RUBCN: variants seen among roughly 807,000 people sequenced by gnomAD.
The protein encoded by RUBCN is rubicon autophagy regulator.
In RUBCN, 74 loss-of-function variants were observed where a neutral mutation model predicts 113.2. The observed-to-expected ratio is 0.65, with a 90% CI of 0.54 to 0.79. The LOEUF (loss-of-function observed/expected upper bound fraction) is 0.79, where lower values mean the gene tolerates loss of function less well. Ranked by LOEUF, RUBCN falls within the 30% of genes least tolerant of loss-of-function variation. RUBCN has a pLI of 0.00. For missense variants in RUBCN, 1,109 were observed against 1,251.7 expected (o/e 0.89, Z 1.72); for synonymous variants, 480 against 490.0 (o/e 0.98, Z 0.27).
intron 1 of RUBCN, among the ~76,000 whole-genome samples, chr3:197,723,663 C>T (rs996944032): frequency 2.0e-5 from 3 of 152,060 alleles, no homozygotes; most frequent in Admixed American, 1.3e-4. Flanking sequence ...TTTTTAGGAT[C>T]GTTTATCCTA....
chr3:197,684,265 T>C (rs1467753832), intron 11 of RUBCN, 48 bp from the exon 12 acceptor site: 9 of 1,432,894 alleles, frequency 6.3e-6, no homozygotes, highest in African/African-American at 5.7e-5. Context: ...ACGGGGTGGG[T>C]AAGGGAACCT....
At chr3:197,684,842 C>T (rs971795712) in intron 11 of RUBCN, among the ~76,000 whole-genome samples, 2 of 152,126 alleles carry the variant, frequency 1.3e-5, no homozygotes, top group African/African-American at 4.8e-5. Flanking sequence ...AACTTTGCTT[C>T]TAATATTTCA....
chr3:197,695,814 CAGA>C, intron 9 of RUBCN, 49 bp downstream of exon 9: 15 of 1,521,652 alleles, frequency 9.9e-6, no homozygotes, highest in Non-Finnish European at 1.4e-5. Flanking sequence ...CACAGACCTT[CAGA>C]CCCAATCTCC....
rs1580119043 is a variant in RUBCN at position 197,673,386 on chromosome 3, T to A, written c.*1632A>T. On this transcript the variant is annotated 3_prime_UTR_variant, in exon 20 of 20. Coordinates refer to ENST00000296343, the MANE Select transcript of RUBCN (RefSeq NM_014687.4). ...CCGCCAGCTCAAGCTCTCATCAGCT[T>A]CCACCAACCACAGGCAACTTTCCGC... The A allele has an allele frequency of 6.6e-6, 1 of 152,508 alleles. No homozygotes were observed. The highest frequency in any genetic ancestry group is 6.5e-5 in the Admixed American group (1 of 15,284). The allele number at this position is 152,508 out of a possible 1,614,324, so 9.4% of individuals were successfully genotyped here. A position where few individuals can be genotyped will look rare whatever the true frequency, so the allele number is the denominator to read the frequency against.
chr3:197,717,169 TC>T (rs1725612487), intron 2 of RUBCN, among the ~76,000 whole-genome samples: 1 of 151,308 alleles, frequency 6.6e-6, no homozygotes, highest in Admixed American at 6.6e-5. Context: ...GTGCGGTGGC[TC>T]ACGCCTGTAA....
At chr3:197,745,036 C>T (rs796087696) in intron 1 of RUBCN, among the ~76,000 whole-genome samples, 10 of 152,084 alleles carry the variant, frequency 6.6e-5, no homozygotes, top group African/African-American at 2.2e-4. Context: ...CCTGTAATCC[C>T]AGCACTTTGG....
rs1368717129 is a variant in RUBCN at position 197,670,899 on chromosome 3, G to A, written c.*4119C>T. On this transcript the variant is annotated 3_prime_UTR_variant, in exon 20 of 20. Transcript: ENST00000296343. ...GCAGTTGCAGACAAAGTAGCTGAGG[G>A]AGAAGACAGGAGATGAGGACACGCT... Among the ~76,000 whole-genome samples, 1 of 152,240 alleles carries A rather than the reference G, an allele frequency of 6.6e-6. No individual in the cohort carries two copies. The highest frequency in any genetic ancestry group is 2.4e-5 in the African/African-American group (1 of 41,478).
chr3:197,742,089 G>A (rs964605560), intron 1 of RUBCN, among the ~76,000 whole-genome samples: 3 of 151,792 alleles, frequency 2.0e-5, no homozygotes, highest in African/African-American at 7.2e-5. Flanking sequence ...TAGAGACGGG[G>A]TTTCACTGTG....
intron 10 of RUBCN, 147 bp from the exon 11 acceptor site, chr3:197,693,963 A>G (rs1255611700): frequency 4.6e-6 from 3 of 654,842 alleles, no homozygotes; most frequent in Non-Finnish European, 8.2e-6. Flanking sequence ...AATAGAAGGT[A>G]CTACTATCTG....
At chr3:197,706,015 C>T (rs947873627) in intron 2 of RUBCN, among the ~76,000 whole-genome samples, 2 of 152,148 alleles carry the variant, frequency 1.3e-5, no homozygotes, top group Non-Finnish European at 2.9e-5. Context: ...CATGAGCCAC[C>T]GTACCCGGCT....
At chr3:197,724,331 ATAAC>A (rs1388531582) in intron 1 of RUBCN, among the ~76,000 whole-genome samples, 2 of 152,200 alleles carry the variant, frequency 1.3e-5, no homozygotes, top group African/African-American at 4.8e-5. Context: ...ATTACACTAT[ATAAC>A]TAATACATAA....
At position 197,675,586 on chromosome 3, in the gene RUBCN, CGAG is replaced by C. The variant is rs1476430986; in HGVS notation, c.2647-74_2647-72del. ...GGAACTGGCACGGGAGGGTGAACACCGAGGAGGGGAGTGGTCTACAGGGTTCTG... is the reference window on the plus strand; with the variant it reads ...GGAACTGGCACGGGAGGGTGAACACCGAGGGGAGTGGTCTACAGGGTTCTG... On this transcript the variant is annotated intron_variant, in intron 18 of 19. Transcript: ENST00000296343. The surrounding 1 kb of genome is among the most constrained non-coding windows in gnomAD (Gnocchi z 4.4). The C allele has an allele frequency of 2.0e-5, 23 of 1,160,382 alleles. No homozygotes were observed. The highest frequency in any genetic ancestry group is 1.3e-6 in the Non-Finnish European group (1 of 772,884). The allele number at this position is 1,160,382 out of a possible 1,614,324, so 71.9% of individuals were successfully genotyped here. A position where few individuals can be genotyped will look rare whatever the true frequency, so the allele number is the denominator to read the frequency against.
rs1560407312 is a variant in RUBCN at position 197,681,439 on chromosome 3, T to C, written c.2192-72A>G. On this transcript the variant is annotated intron_variant, in intron 15 of 19. Coordinates refer to ENST00000296343, the MANE Select transcript of RUBCN (RefSeq NM_014687.4). The surrounding 1 kb of genome is among the most constrained non-coding windows in gnomAD (Gnocchi z 5.5). Reference sequence around the variant, plus strand: ...ACAAGCTGGGAAGGCAGCTCTGCTTTTCCCTTGAAAGGGCAGAGAGGGACA... The same window carrying C: ...ACAAGCTGGGAAGGCAGCTCTGCTTCTCCCTTGAAAGGGCAGAGAGGGACA... 2.5e-6 allele frequency: 3 copies of C among 1,219,514 alleles called. No homozygotes were observed. Among genetic ancestry groups the C allele is most frequent in the African/African-American group, 3.0e-5 (2 of 67,262 alleles). 75.5% of individuals were successfully genotyped at this position (1,219,514 alleles called of 1,614,324 possible).
At chr3:197,707,900 G>A (rs1265128134) in intron 2 of RUBCN, among the ~76,000 whole-genome samples, 1 of 151,798 alleles carries the variant, frequency 6.6e-6, no homozygotes, top group African/African-American at 2.4e-5. Flanking sequence ...GGAAGTGAAG[G>A]TTGCAGTGAG....
intron 1 of RUBCN, among the ~76,000 whole-genome samples, chr3:197,743,558 G>A (rs1189675969): frequency 6.6e-6 from 1 of 152,162 alleles, no homozygotes; most frequent in Admixed American, 6.5e-5. Context: ...ACAGCAAAGT[G>A]GCAAAGAAAA....
Position 197,669,663 on chromosome 3 carries a change from A to G in RUBCN, c.*5355T>C, listed in dbSNP as rs1190253774. On this transcript the variant is annotated 3_prime_UTR_variant, in exon 20 of 20. Transcript: ENST00000296343. ...TCCTCTTTCTATATCCTTTTATTTA[A>G]AAAAGTGAATCACTAATTCCAGTCC... 6.6e-6 allele frequency among the ~76,000 whole-genome samples: 1 copy of G among 152,188 alleles called. No homozygotes were observed.
At chr3:197,738,076 G>T, upstream of RUBCN, among the ~76,000 whole-genome samples, 1 of 152,202 alleles carries the variant, frequency 6.6e-6, no homozygotes, top group East Asian at 1.9e-4. Flanking sequence ...TTTTTTAAAA[G>T]AAGCTAGGAT....
rs911809795 is a variant in RUBCN at position 197,672,682 on chromosome 3, G to A, written c.*2336C>T. The stretch of plus-strand genomic sequence containing the variant: ...CCTCCAGCGCAGTGACCTGGAGAAA[G>A]AGCTGGATGTGTCACCTTTTTGTTT... On this transcript the variant is annotated 3_prime_UTR_variant, in exon 20 of 20. Coordinates refer to ENST00000296343, the MANE Select transcript of RUBCN (RefSeq NM_014687.4). 1 of 152,328 alleles carries A rather than the reference G, an allele frequency of 6.6e-6. No individual in the cohort carries two copies. 9.4% of individuals were successfully genotyped at this position (152,328 alleles called of 1,614,324 possible).
chr3:197,732,873 G>A (rs1032585290), intron 1 of RUBCN, among the ~76,000 whole-genome samples: 1 of 152,142 alleles, frequency 6.6e-6, no homozygotes, highest in African/African-American at 2.4e-5. Flanking sequence ...AGTCACTTGT[G>A]GGGGAGACCC....
Sources: allele counts gnomAD v4.1 joint callset (sites outside exome capture counted in the v4.1 genomes callset), GRCh38; gene constraint gnomAD v4.1.1; non-coding constraint Gnocchi (gnomAD v3.1); transcripts MANE v1.5; gene names NCBI Gene and HGNC (gene_info 2026-07-23, HGNC 2026-07-21).